SRRM4: variants seen among roughly 807,000 people sequenced by gnomAD.
SRRM4 encodes the protein serine/arginine repetitive matrix 4.
SRRM4 carries 33 observed loss-of-function variants against 68.9 expected under a neutral mutation model. The ratio of observed to expected loss-of-function variants is 0.48; its 90% confidence interval spans 0.36 to 0.64. The LOEUF (loss-of-function observed/expected upper bound fraction) is 0.64, where lower values mean the gene tolerates loss of function less well. Among genes scored for constraint, SRRM4 ranks in the 30% least tolerant of loss-of-function variants. The pLI, the probability that SRRM4 is intolerant of heterozygous loss-of-function variation, is 0.00. For missense variants in SRRM4, 817 were observed against 827.1 expected (o/e 0.99, Z 0.15); for synonymous variants, 318 against 318.8 (o/e 1.00, Z 0.03).
intron 8 of SRRM4, among the ~76,000 whole-genome samples, chr12:119,136,107 T>C (rs954851538): frequency 2.6e-5 from 4 of 152,176 alleles, no homozygotes; most frequent in African/African-American, 9.7e-5. Flanking sequence ...CATAGCAGCT[T>C]TACTAAACTT....
chr12:119,108,159 A>G (rs1197990068), intron 2 of SRRM4, among the ~76,000 whole-genome samples: 2 of 152,090 alleles, frequency 1.3e-5, no homozygotes, highest in African/African-American at 4.8e-5. Context: ...TTCTAATTTG[A>G]TTGCACTGTG....
intron 1 of SRRM4, among the ~76,000 whole-genome samples, chr12:119,069,210 A>T (rs571043638): frequency 1.3e-5 from 2 of 152,204 alleles, no homozygotes; most frequent in Non-Finnish European, 2.9e-5. Context: ...GTGGTTTAGC[A>T]TGTTACCGGG....
intron 1 of SRRM4, among the ~76,000 whole-genome samples, chr12:119,051,036 T>A (rs1157933288): frequency 2.0e-5 from 3 of 152,058 alleles, no homozygotes; most frequent in Non-Finnish European, 4.4e-5. Flanking sequence ...TCAGGAGCAA[T>A]TTTTTCCTCC....
chr12:118,982,676 T>TG (rs1555212603), intron 1 of SRRM4, among the ~76,000 whole-genome samples: 3 of 125,436 alleles, frequency 2.4e-5, no homozygotes, highest in African/African-American at 9.4e-5. Context: ...TTTGTTTTTT[T>TG]TTGTTTTTTT....
intron 8 of SRRM4, among the ~76,000 whole-genome samples, chr12:119,134,335 T>C (rs1954315380): frequency 6.7e-6 from 1 of 150,322 alleles, no homozygotes; most frequent in African/African-American, 2.5e-5. Flanking sequence ...GGTCCTTATC[T>C]TCACTCCACC....
chr12:119,027,701 G>A (rs942706216), intron 1 of SRRM4, among the ~76,000 whole-genome samples: 2 of 152,116 alleles, frequency 1.3e-5, no homozygotes, highest in African/African-American at 4.8e-5. Context: ...TATTCTACAT[G>A]TCTTATTAGG....
chr12:119,156,984 C>T lies in SRRM4; in HGVS notation c.*186C>T. ...CTCTAGATCAGCCTGCTAGGAGCCTCTACCAGCATCATCCTGGGGCCCAGC... is the reference window on the plus strand; with the variant it reads ...CTCTAGATCAGCCTGCTAGGAGCCTTTACCAGCATCATCCTGGGGCCCAGC... On this transcript the variant is annotated 3_prime_UTR_variant, in exon 13 of 13. Transcript: ENST00000267260. 1 of 668,064 alleles carries T rather than the reference C, an allele frequency of 1.5e-6. No homozygotes were observed. Among genetic ancestry groups the T allele is most frequent in the East Asian group, 2.9e-5 (1 of 34,928 alleles). 41.4% of individuals were successfully genotyped at this position (668,064 alleles called of 1,614,324 possible).
At chr12:119,118,936 G>A (rs998842984) in intron 4 of SRRM4, among the ~76,000 whole-genome samples, 9 of 152,040 alleles carry the variant, frequency 5.9e-5, no homozygotes, top group African/African-American at 1.7e-4. Flanking sequence ...CCCAAACCCT[G>A]ACCTCCCGAG....
chr12:118,981,831 G>A lies in SRRM4; in HGVS notation c.-52G>A. ...GGTGTCGCCCCCGTTTGGAATCCACGTTTCAGCACTTTGGACAGCGCCCCG... is the reference window on the plus strand; with the variant it reads ...GGTGTCGCCCCCGTTTGGAATCCACATTTCAGCACTTTGGACAGCGCCCCG... On this transcript the variant is annotated 5_prime_UTR_variant, in exon 1 of 13. Transcript: ENST00000267260. 1.9e-6 allele frequency: 3 copies of A among 1,564,764 alleles called. No homozygotes were observed. The highest frequency in any genetic ancestry group is 2.6e-6 in the Non-Finnish European group (3 of 1,152,790).
intron 1 of SRRM4, among the ~76,000 whole-genome samples, chr12:119,020,265 G>A (rs922672167): frequency 5.9e-5 from 9 of 152,124 alleles, no homozygotes; most frequent in African/African-American, 2.2e-4. Context: ...CACTCTCAAG[G>A]TTGCAAAGTG....
At chr12:118,995,667 C>T (rs1953344479) in intron 1 of SRRM4, among the ~76,000 whole-genome samples, 1 of 152,186 alleles carries the variant, frequency 6.6e-6, no homozygotes, top group Non-Finnish European at 1.5e-5. Flanking sequence ...AAATTTGGGA[C>T]TTCTAACTGC....
At chr12:118,994,526 C>T (rs2135990730) in intron 1 of SRRM4, among the ~76,000 whole-genome samples, 1 of 152,282 alleles carries the variant, frequency 6.6e-6, no homozygotes, top group African/African-American at 2.4e-5. Context: ...CTCTGCATTC[C>T]CACCCCTCCA....
chr12:118,991,668 T>G (rs1428923593), intron 1 of SRRM4: 1 of 152,244 alleles, frequency 6.6e-6, no homozygotes, highest in East Asian at 1.9e-4. Flanking sequence ...CCTAATAGTC[T>G]GAACCATATG....
At chr12:118,988,837 T>C (rs1953298893) in intron 1 of SRRM4, among the ~76,000 whole-genome samples, 2 of 151,874 alleles carry the variant, frequency 1.3e-5, no homozygotes, top group African/African-American at 4.8e-5. Flanking sequence ...AGGAAAGGAA[T>C]AGAGGGTGAG....
chr12:119,156,687 T>C lies in SRRM4; in HGVS notation c.1725T>C (p.Pro575=). ...GCAGCAGCTCTAGCTCCCGCAGCCC[T>C]AGTCCGGGCTCCCGCAGCCGGAGCC... ...RTSSSSSSRS[P]SPGSRSRSRS... The change falls in exon 13 of 13, where the codon CCT becomes CCC. Residue 575 remains proline, a synonymous_variant. Transcript: ENST00000267260. 6.5e-7 allele frequency: 1 copy of C among 1,545,978 alleles called. No individual in the cohort carries two copies. Among genetic ancestry groups the C allele is most frequent in the Non-Finnish European group, 8.7e-7 (1 of 1,144,414 alleles).
chr12:119,000,472 C>T (rs1455855399), intron 1 of SRRM4, among the ~76,000 whole-genome samples: 1 of 152,172 alleles, frequency 6.6e-6, no homozygotes, highest in African/African-American at 2.4e-5. Context: ...CATTTGACCC[C>T]AGTGAACCCT....
chr12:119,138,423 T>G (rs989349230), intron 8 of SRRM4, among the ~76,000 whole-genome samples: 1 of 152,160 alleles, frequency 6.6e-6, no homozygotes, highest in Admixed American at 6.5e-5. Context: ...AGCTTCCAGA[T>G]AGTATTCTCT....
intron 10 of SRRM4, among the ~76,000 whole-genome samples, chr12:119,152,775 G>T (rs1077828): frequency 0.66 from 99,660 of 152,140 alleles, 33,275 homozygotes; most frequent in African/African-American, 0.78. Context: ...GCACTGAGAA[G>T]GGAAGAGCTA....
rs112006676 is a variant in SRRM4 at position 119,142,346 on chromosome 12, C to T, written c.772-3035C>T. Among the ~76,000 whole-genome samples, 253 of 152,330 alleles carry T rather than the reference C, an allele frequency of 1.7e-3. 2 individuals are homozygous for T. Among genetic ancestry groups the T allele is most frequent in the African/African-American group, 5.5e-3 (229 of 41,564 alleles). On this transcript the variant is annotated intron_variant, in intron 8 of 12. Transcript: ENST00000267260. The stretch of plus-strand genomic sequence containing the variant: ...GAAAAGCATAATGCCTTGTAGATTT[C>T]TCAGTTCTGACCACACAAGTTACAT...
Sources: gnomAD v4.1 joint callset for allele counts (sites outside exome capture counted in the v4.1 genomes callset) on GRCh38, gnomAD v4.1.1 for gene constraint, MANE v1.5 for transcripts, NCBI Gene and HGNC (gene_info 2026-07-23, HGNC 2026-07-21) for gene names.